The following NOM1 variants were observed in gnomAD, a reference collection of about 807,000 sequenced individuals.
NOM1 encodes nucleolar MIF4G domain-containing protein 1.
A neutral mutation model predicts 73.3 loss-of-function variants in NOM1; 58 were observed. The observed-to-expected ratio is 0.79, with a 90% confidence interval of 0.64 to 0.99. The LOEUF is 0.99. Among genes scored for constraint, NOM1 ranks in the 50% least tolerant of loss-of-function variants. The pLI, the probability that NOM1 is intolerant of heterozygous loss-of-function variation, is 0.00. For synonymous variants in NOM1, 487 were observed against 446.8 expected, an observed-to-expected ratio of 1.09 and a Z score of -1.14; for missense variants, 1,226 against 1,131.9, an observed-to-expected ratio of 1.08 and a Z score of -1.19.
Position 156,952,481 on chromosome 7 carries a change from G to A in NOM1, c.995G>A (p.Cys332Tyr), listed in dbSNP as rs761116918. The part of the protein sequence containing the change: ...EDGDITDKSL[C>Y]GSGEKYIPPH... Reference sequence around the variant, plus strand: ...ATTTCTCTTTTCAAGCAGAGTCTTTGTGGAAGTGGTGAAAAGTACATCCCA... The same window carrying A: ...ATTTCTCTTTTCAAGCAGAGTCTTTATGGAAGTGGTGAAAAGTACATCCCA... Residue 332 changes from cysteine (C) to tyrosine (Y), a missense_variant, in exon 2 of 11, where the codon TGT becomes TAT. Coordinates refer to ENST00000275820, the MANE Select transcript of NOM1 (RefSeq NM_138400.2). 6.2e-7 allele frequency: 1 copy of A among 1,610,706 alleles called. No homozygotes were observed. Among genetic ancestry groups the A allele is most frequent in the South Asian group, 1.1e-5 (1 of 90,040 alleles).
rs1804994361 is a variant in NOM1, at chr7:156,966,301, ATCAT to A, written c.2069_2072del (p.Ile690ThrfsTer33). ...ACTTAAGGATCAGCAGGAGAGAGAA[ATCAT>A]TCACGTTCTCATGGATTGCTGCCTT... On this transcript the variant is annotated frameshift_variant, in exon 8 of 11. Coordinates refer to ENST00000275820, the MANE Select transcript of NOM1 (RefSeq NM_138400.2). LOFTEE classifies it high-confidence loss of function. The A allele has an allele frequency of 1.2e-6, 2 of 1,614,152 alleles. No homozygotes were observed. The highest frequency in any genetic ancestry group is 8.5e-7 in the Non-Finnish European group (1 of 1,180,048).
Position 156,963,008 on chromosome 7 carries a change from G to A in NOM1, c.1744G>A (p.Val582Ile). 1 of 1,611,212 alleles carries A rather than the reference G, an allele frequency of 6.2e-7. No homozygotes were observed. Among genetic ancestry groups the A allele is most frequent in the Non-Finnish European group, 8.5e-7 (1 of 1,177,608 alleles). ...TCATTAGCTCTTCTCTCTTCATCAG[G>A]TCCGCAACGCCGGCTCAGGTTCTGA... ...EKLRKLQRAL[V>I]RNAGSGSETQ... The change falls in exon 6 of 11, where the codon GTC becomes ATC. Residue 582 changes from valine to isoleucine, a missense_variant and splice_region_variant. By Grantham distance (29) the Val-to-Ile change is conservative. Transcript: ENST00000275820.
intron 3 of NOM1, 109 bp from the exon 4 acceptor site, chr7:156,959,742 C>A: frequency 9.0e-7 from 1 of 1,114,374 alleles, no homozygotes; most frequent in Non-Finnish European, 1.3e-6. Flanking sequence ...TGTTGGAATG[C>A]CCTGCCTTGT....
rs766920341 is a variant in NOM1 at position 156,950,541 on chromosome 7, A to T, written c.804A>T (p.Glu268Asp). Reference protein sequence around the residue: ...ESEEEEEGDVEKEKKAQEAEA... With the variant: ...ESEEEEEGDVDKEKKAQEAEA... ...AGGAGGAGGAGGAGGGAGACGTAGA[A>T]AAGGAAAAGAAGGCGCAGGAAGCAG... Residue 268 changes from glutamate (E) to aspartate (D), a missense_variant, in exon 1 of 11, where the codon GAA becomes GAT. By Grantham distance (45) the Glu-to-Asp change is conservative. Coordinates refer to ENST00000275820, the MANE Select transcript of NOM1 (RefSeq NM_138400.2). The T allele has an allele frequency of 6.9e-5, 112 of 1,613,298 alleles. No homozygotes were observed. The highest frequency in any genetic ancestry group is 9.3e-5 in the Non-Finnish European group (110 of 1,179,562).
intron 3 of NOM1, among the ~76,000 whole-genome samples, chr7:156,956,697 C>T (rs1174412753): frequency 6.6e-6 from 1 of 152,206 alleles, no homozygotes; most frequent in East Asian, 1.9e-4. Context: ...CATGGGTCAT[C>T]TCAGATATGA....
At chr7:156,961,407 G>A (rs1804861164) in intron 4 of NOM1, among the ~76,000 whole-genome samples, 2 of 152,164 alleles carry the variant, frequency 1.3e-5, no homozygotes, top group South Asian at 4.1e-4. Flanking sequence ...AGAAGGGAAT[G>A]GGAGCAGCGG....
intron 9 of NOM1, among the ~76,000 whole-genome samples, chr7:156,968,518 T>G (rs1254026228): frequency 6.6e-6 from 1 of 152,064 alleles, no homozygotes; most frequent in Non-Finnish European, 1.5e-5. Flanking sequence ...CAGCTAAGAT[T>G]GCAGTGGGTC....
At chr7:156,968,931 G>C (rs1420051375) in intron 9 of NOM1, 156 bp from the exon 10 acceptor site, 2 of 588,446 alleles carry the variant, frequency 3.4e-6, no homozygotes, top group African/African-American at 3.8e-5. Flanking sequence ...CTTGCCAACA[G>C]GTGTTCATTT....
At chr7:156,963,483 G>A (rs965920864) in intron 6 of NOM1, 6 of 468,812 alleles carry the variant, frequency 1.3e-5, no homozygotes, top group Admixed American at 6.8e-5. Context: ...GCTGCCCCCC[G>A]GGCTGTGCAT....
rs1426591000 is a variant in NOM1, at chr7:156,971,117, A to T, written c.*1414A>T. On this transcript the variant is annotated 3_prime_UTR_variant, in exon 11 of 11. Coordinates refer to ENST00000275820, the MANE Select transcript of NOM1 (RefSeq NM_138400.2). ...GTCCCTAGATAACAGCATGTATTGCAGATACCCAAATGTTTATTGTTTTCT... is the reference window on the plus strand; with the variant it reads ...GTCCCTAGATAACAGCATGTATTGCTGATACCCAAATGTTTATTGTTTTCT... 6.6e-6 allele frequency: 1 copy of T among 152,242 alleles called. No individual in the cohort carries two copies. The highest frequency in any genetic ancestry group is 1.5e-5 in the Non-Finnish European group (1 of 68,036). The allele number at this position is 152,242 out of a possible 1,614,324, so 9.4% of individuals were successfully genotyped here.
chr7:156,962,861 A>T, intron 5 of NOM1, 147 bp from the exon 6 acceptor site: 1 of 868,168 alleles, frequency 1.2e-6, no homozygotes, highest in South Asian at 1.8e-5. Flanking sequence ...CATTTTTCCA[A>T]ACAGGCTAAC....
chr7:156,969,164 A>T lies in NOM1; in HGVS notation c.2376A>T (p.Thr792=). The change falls in exon 10 of 11, where the codon ACA becomes ACT. Residue 792 remains threonine, a synonymous_variant. Coordinates refer to ENST00000275820, the MANE Select transcript of NOM1 (RefSeq NM_138400.2). The part of the protein sequence containing the change: ...RKVLSILLME[T]EVEDLSLIFT... ...TATTAAGTATCCTATTAATGGAAAC[A>T]GAAGTTGAAGACCTCAGTTTAATTT... The T allele has an allele frequency of 6.3e-7, 1 of 1,588,796 alleles. No homozygotes were observed. The highest frequency in any genetic ancestry group is 8.6e-7 in the Non-Finnish European group (1 of 1,156,748).
chr7:156,954,891 A>T (rs1308135733), intron 3 of NOM1, among the ~76,000 whole-genome samples: 1 of 152,042 alleles, frequency 6.6e-6, no homozygotes, highest in Admixed American at 6.5e-5. Flanking sequence ...TTTCCTTTGC[A>T]CTTCTCCCTT....
At chr7:156,962,439 G>A (rs796852192) in intron 5 of NOM1, among the ~76,000 whole-genome samples, 178 bp downstream of exon 5, 4 of 152,206 alleles carry the variant, frequency 2.6e-5, no homozygotes, top group African/African-American at 9.6e-5. Flanking sequence ...AGTGGTCTGG[G>A]CGTGCTCGTG....
chr7:156,969,445 T>C, intron 10 of NOM1, 84 bp from the exon 11 acceptor site: 1 of 1,146,810 alleles, frequency 8.7e-7, no homozygotes, highest in Non-Finnish European at 1.2e-6. Context: ...AAACTGGTTA[T>C]GTCTCACTAT....
intron 3 of NOM1, among the ~76,000 whole-genome samples, chr7:156,957,704 G>C (rs1465735199): frequency 6.9e-6 from 1 of 143,934 alleles, no homozygotes; most frequent in Non-Finnish European, 1.5e-5. Context: ...GAACCCAGCA[G>C]GCGGAGCTTG....
At chr7:156,969,342 G>A in intron 10 of NOM1, 146 bp downstream of exon 10, 1 of 720,074 alleles carries the variant, frequency 1.4e-6, no homozygotes, top group Admixed American at 3.0e-5. Flanking sequence ...ATTAGATCTG[G>A]GGAATAGAAA....
rs773222110 is a variant in NOM1, at chr7:156,954,286, A to G, written c.1296A>G (p.Thr432=). Reference sequence around the variant, plus strand: ...TCTTAGTCAGCATCCTTCACCACACAGTTGGAATCGAGGTACAGTTGTACC... The same window carrying G: ...TCTTAGTCAGCATCCTTCACCACACGGTTGGAATCGAGGTACAGTTGTACC... The part of the protein sequence containing the change: ...HVLLVSILHH[T]VGIEVGAHFL... The change falls in exon 3 of 11, where the codon ACA becomes ACG. Residue 432 remains threonine, a synonymous_variant. Transcript: ENST00000275820. The G allele has an allele frequency of 6.3e-7, 1 of 1,593,320 alleles. No individual in the cohort carries two copies. Among genetic ancestry groups the G allele is most frequent in the Non-Finnish European group, 8.5e-7 (1 of 1,170,846 alleles).
chr7:156,952,422 A>G, intron 1 of NOM1, 52 bp from the exon 2 acceptor site: 3 of 1,572,510 alleles, frequency 1.9e-6, no homozygotes, highest in Non-Finnish European at 2.6e-6. Context: ...AAGAAAAAAC[A>G]CAGGATTTGG....
Sources: gnomAD v4.1 joint callset for allele counts (sites outside exome capture counted in the v4.1 genomes callset) on GRCh38, gnomAD v4.1.1 for gene constraint, MANE v1.5 for transcripts, NCBI Gene and HGNC (gene_info 2026-07-23, HGNC 2026-07-21) for gene names.